The following RICTOR variants were observed in gnomAD, a reference collection of about 807,000 sequenced individuals.
RICTOR encodes the protein rapamycin-insensitive companion of mTOR.
RICTOR carries 49 observed loss-of-function variants against 214.9 expected under a neutral mutation model. The ratio of observed to expected loss-of-function variants is 0.23; its 90% CI spans 0.18 to 0.29. The LOEUF is 0.29. Ranked by LOEUF, RICTOR falls within the 10% of genes least tolerant of loss-of-function variation. RICTOR has a pLI of 1.00. For missense variants in RICTOR, 1,625 were observed against 2,047.0 expected, an observed-to-expected ratio of 0.79 and a Z score of 3.98; for synonymous variants, 717 against 711.3, an observed-to-expected ratio of 1.01 and a Z score of -0.13.
rs1001957209 is a variant in RICTOR, at chr5:38,944,628, C to T, written c.4790-59G>A. The stretch of plus-strand genomic sequence containing the variant: ...CTATGTCACAATAAAATGATTAAAA[C>T]TCATGAAATTTATTTTTAAACTTCA... On this transcript the variant is annotated intron_variant, in intron 35 of 37. Transcript: ENST00000357387. 10 of 1,408,602 alleles carry T rather than the reference C, an allele frequency of 7.1e-6. No individual in the cohort carries two copies. In the Admixed American group the frequency reaches 2.1e-4, roughly 29 times the overall value. 87.3% of individuals were successfully genotyped at this position (1,408,602 alleles called of 1,614,324 possible). A position where few individuals can be genotyped will look rare whatever the true frequency, so the allele number is the denominator to read the frequency against.
intron 7 of RICTOR, among the ~76,000 whole-genome samples, chr5:38,983,679 T>C (rs948781335): frequency 1.3e-5 from 2 of 152,138 alleles, no homozygotes; most frequent in Non-Finnish European, 2.9e-5. Context: ...AATTTGTAGG[T>C]TTGGCCAGGC....
At chr5:38,944,339 A>G in intron 36 of RICTOR, 107 bp downstream of exon 36, 1 of 1,135,816 alleles carries the variant, frequency 8.8e-7, no homozygotes, top group South Asian at 1.3e-5. Context: ...GCAGTTTAGA[A>G]CTACTGATGT....
rs199654846 is a variant in RICTOR at position 39,026,884 on chromosome 5, G to GT, written c.98-5749dup. On this transcript the variant is annotated intron_variant, in intron 2 of 37. Coordinates refer to ENST00000357387, the MANE Select transcript of RICTOR (RefSeq NM_152756.5). ...AAGCTGGGCGTGGTCACGCATGCCT[G>GT]TTAATCCCAGCTACTCAGGAGGCTG... Among the ~76,000 whole-genome samples the GT allele has an allele frequency of 5.7e-3, 872 of 151,936 alleles. 14 individuals carry two copies. Among genetic ancestry groups the GT allele is most frequent in the African/African-American group, 0.018 (764 of 41,444 alleles).
intron 31 of RICTOR, among the ~76,000 whole-genome samples, chr5:38,947,955 C>A (rs1043275601): frequency 6.6e-6 from 1 of 152,094 alleles, no homozygotes; most frequent in Non-Finnish European, 1.5e-5. Flanking sequence ...AAGACAGACA[C>A]AAGAGCAAAA....
At chr5:38,946,168 T>A (rs71621892) in intron 33 of RICTOR, among the ~76,000 whole-genome samples, 6 of 152,200 alleles carry the variant, frequency 3.9e-5, no homozygotes, top group Non-Finnish European at 7.3e-5. Flanking sequence ...ATTTCCTGGA[T>A]CTATGAGGAT....
intron 9 of RICTOR, among the ~76,000 whole-genome samples, chr5:38,976,150 T>C (rs1382413067): frequency 6.6e-6 from 1 of 152,200 alleles, no homozygotes; most frequent in East Asian, 1.9e-4. Flanking sequence ...TCCTCTACAA[T>C]AGTTATGACA....
chr5:38,968,051 A>G, intron 11 of RICTOR, 21 bp from the exon 12 acceptor site: 1 of 1,312,630 alleles, frequency 7.6e-7, no homozygotes, highest in Non-Finnish European at 1.1e-6. Flanking sequence ...AAACAAATAC[A>G]CCTCATTTAT....
At chr5:39,069,450 A>G (rs1026181309) in intron 2 of RICTOR, among the ~76,000 whole-genome samples, 1 of 152,192 alleles carries the variant, frequency 6.6e-6, no homozygotes, top group Non-Finnish European at 1.5e-5. Flanking sequence ...AGGAAACAGT[A>G]TTAGAAGCAT....
intron 6 of RICTOR, among the ~76,000 whole-genome samples, chr5:38,991,492 A>G (rs1017779824): frequency 3.3e-5 from 5 of 152,020 alleles, no homozygotes; most frequent in Non-Finnish European, 5.9e-5. Flanking sequence ...AGTCCTACCA[A>G]TTTACTTCCA....
intron 6 of RICTOR, among the ~76,000 whole-genome samples, chr5:38,993,366 G>C (rs947227718): frequency 6.6e-6 from 1 of 151,924 alleles, no homozygotes. Flanking sequence ...ATTTAAATAA[G>C]ATTAAGAAAA....
intron 2 of RICTOR, among the ~76,000 whole-genome samples, chr5:39,028,370 G>C (rs958449936): frequency 2.2e-4 from 34 of 151,594 alleles, no homozygotes; most frequent in Non-Finnish European, 5.0e-4. Context: ...TTTTAGTAGA[G>C]ACGGGGTTTC....
chr5:38,985,705 T>C (rs1752113270), intron 7 of RICTOR, among the ~76,000 whole-genome samples: 1 of 152,082 alleles, frequency 6.6e-6, no homozygotes, highest in Admixed American at 6.5e-5. Flanking sequence ...TTCTATTTTT[T>C]TTTTTTTTGA....
At chr5:38,956,124 T>C (rs1400388766) in intron 25 of RICTOR, among the ~76,000 whole-genome samples, 2 of 152,102 alleles carry the variant, frequency 1.3e-5, no homozygotes, top group African/African-American at 4.8e-5. Flanking sequence ...CTGTCCATCT[T>C]ATTTTGAAAA....
intron 4 of RICTOR, 21 bp downstream of exon 4, chr5:39,003,537 G>C (rs371279402): frequency 2.6e-6 from 4 of 1,513,324 alleles, no homozygotes; most frequent in East Asian, 2.3e-5. Flanking sequence ...GGGATGGGAG[G>C]GGGGAATGAA....
chr5:38,943,232 T>C, intron 36 of RICTOR: 1 of 344,840 alleles, frequency 2.9e-6, no homozygotes. Context: ...TTTATTGGCA[T>C]GAGAAATTGC....
At chr5:38,973,733 A>G (rs796703501) in intron 10 of RICTOR, among the ~76,000 whole-genome samples, 4 of 152,330 alleles carry the variant, frequency 2.6e-5, no homozygotes, top group African/African-American at 9.6e-5. Context: ...GTCTGAGAGT[A>G]GTTTGAGAAA....
intron 7 of RICTOR, among the ~76,000 whole-genome samples, chr5:38,984,962 T>C (rs1239261): frequency 0.99 from 150,978 of 152,176 alleles, 74,912 homozygotes; most frequent in Middle Eastern, 1. Flanking sequence ...TGGGACTATA[T>C]GCGTACCTTT....
chr5:39,036,925 A>C (rs1407591022), intron 2 of RICTOR, among the ~76,000 whole-genome samples: 1 of 152,168 alleles, frequency 6.6e-6, no homozygotes, highest in Non-Finnish European at 1.5e-5. Flanking sequence ...GAAAGTTAAC[A>C]AGGATACCCA....
At chr5:38,958,559 A>G (rs1749514776) in intron 23 of RICTOR, 40 bp from the exon 24 acceptor site, 2 of 1,564,740 alleles carry the variant, frequency 1.3e-6, no homozygotes, top group Non-Finnish European at 1.7e-6. Context: ...ATTGCACAAA[A>G]ATAGCAAAAT....
Sources: gnomAD v4.1 joint callset for allele counts (sites outside exome capture counted in the v4.1 genomes callset) on GRCh38, gnomAD v4.1.1 for gene constraint, MANE v1.5 for transcripts, NCBI Gene and HGNC (gene_info 2026-07-23, HGNC 2026-07-21) for gene names.